Variants in CDCP2 observed in about 807,000 individuals in gnomAD.
The protein encoded by CDCP2 is CUB domain containing protein 2, also known as CUB domain-containing protein 2.
CDCP2 carries 31 observed loss-of-function variants against 31.0 expected under a neutral mutation model. That is an observed-to-expected ratio of 1.00 (90% CI 0.75 to 1.35). The LOEUF (loss-of-function observed/expected upper bound fraction) is 1.35. Among genes scored for constraint, CDCP2 ranks in the 40% most tolerant of loss-of-function variants. The pLI, the probability that CDCP2 is intolerant of heterozygous loss-of-function variation, is 0.00. For synonymous variants in CDCP2, 206 were observed against 207.9 expected, an observed-to-expected ratio of 0.99 and a Z score of 0.08; for missense variants, 443 against 482.6, an observed-to-expected ratio of 0.92 and a Z score of 0.77.
intron 1 of CDCP2, among the ~76,000 whole-genome samples, chr1:54,150,285 CTT>C (rs1659558413): frequency 1.3e-5 from 2 of 152,304 alleles, no homozygotes; most frequent in South Asian, 4.1e-4. Flanking sequence ...GTATCTGACT[CTT>C]TTAAATTTTT....
chr1:54,144,712 C>T (rs368144780), exon 2 of CDCP2: 10 of 1,614,110 alleles, frequency 6.2e-6, no homozygotes, highest in African/African-American at 2.7e-5. Context: ...TCGGCCACCA[C>T]GATCAGCCAG....
At chr1:54,146,159 CAGTGTAAG>C (rs1223486614) in intron 1 of CDCP2, among the ~76,000 whole-genome samples, 1 of 150,686 alleles carries the variant, frequency 6.6e-6, no homozygotes, top group African/African-American at 2.4e-5. Context: ...CCAATATTTT[CAGTGTAAG>C]AGTGGTAAGT....
At chr1:54,135,468 T>C (rs1659242638) in intron 5 of CDCP2, among the ~76,000 whole-genome samples, 1 of 152,212 alleles carries the variant, frequency 6.6e-6, no homozygotes, top group Admixed American at 6.5e-5. Context: ...ATTTTATGTT[T>C]CCAAGATACT....
At chr1:54,152,777 G>A in intron 1 of CDCP2, 67 bp downstream of exon 1, 2 of 1,454,120 alleles carry the variant, frequency 1.4e-6, no homozygotes, top group South Asian at 2.4e-5. Flanking sequence ...GAAACTTCTT[G>A]AGCCCCTGGC....
At chr1:54,133,073 T>C (rs999292260) in exon 6 of CDCP2, 2 of 399,120 alleles carry the variant, frequency 5.0e-6, no homozygotes, top group Non-Finnish European at 4.4e-6. Context: ...CCATGCTCAC[T>C]GGGCCCTCCA....
intron 5 of CDCP2, among the ~76,000 whole-genome samples, chr1:54,133,713 C>G (rs533400728): frequency 0.014 from 2,137 of 151,996 alleles, 29 homozygotes; most frequent in Non-Finnish European, 0.02. Flanking sequence ...TGACTAACAC[C>G]ATGAAACCCC....
intron 3 of CDCP2, chr1:54,140,814 C>A: frequency 3.1e-6 from 1 of 318,544 alleles, no homozygotes; most frequent in Non-Finnish European, 5.8e-6. Context: ...GGGAGATTGA[C>A]ATGCAAACCA....
At chr1:54,148,976 T>A (rs193032173) in intron 1 of CDCP2, among the ~76,000 whole-genome samples, 9,251 of 139,980 alleles carry the variant, frequency 0.066, 385 homozygotes, top group Middle Eastern at 0.1. Context: ...AAAAAAAAAA[T>A]ATATATATAT....
At chr1:54,136,378 A>C (rs1557704994) in intron 5 of CDCP2, among the ~76,000 whole-genome samples, 1 of 152,116 alleles carries the variant, frequency 6.6e-6, no homozygotes, top group African/African-American at 2.4e-5. Flanking sequence ...TAGGAAAGAG[A>C]GCTGGGAAGA....
At chr1:54,143,200 G>C (rs894933133) in intron 2 of CDCP2, among the ~76,000 whole-genome samples, 3 of 152,020 alleles carry the variant, frequency 2.0e-5, no homozygotes, top group Non-Finnish European at 4.4e-5. Flanking sequence ...GCCAAGCATG[G>C]TGGGTGGCGC....
At chr1:54,143,704 C>T (rs1659412694) in intron 2 of CDCP2, 1 of 152,192 alleles carries the variant, frequency 6.6e-6, no homozygotes, top group Non-Finnish European at 1.5e-5. Flanking sequence ...GAACCAGTAG[C>T]CTCTGTGGGT....
chr1:54,152,699 G>A (rs566829145), intron 1 of CDCP2, 145 bp downstream of exon 1: 3 of 702,602 alleles, frequency 4.3e-6, no homozygotes, highest in African/African-American at 3.5e-5. Flanking sequence ...CCCCATCTCA[G>A]GAACAAACAC....
chr1:54,144,986 C>CT (rs377360765), intron 1 of CDCP2, among the ~76,000 whole-genome samples, 173 bp from the exon 2 acceptor site: 4 of 152,256 alleles, frequency 2.6e-5, no homozygotes, highest in African/African-American at 9.6e-5. Context: ...ACCAAGCATG[C>CT]TGGTATTCAT....
At chr1:54,142,031 A>T (rs926813572) in intron 2 of CDCP2, 8 of 152,332 alleles carry the variant, frequency 5.3e-5, no homozygotes, top group African/African-American at 1.9e-4. Context: ...TCCAGCATAG[A>T]ACTGTGGAGG....
At chr1:54,144,440 A>G (rs1659424403) in intron 2 of CDCP2, 26 bp downstream of exon 2, 2 of 1,540,356 alleles carry the variant, frequency 1.3e-6, no homozygotes, top group Non-Finnish European at 8.8e-7. Context: ...AGCCACTGCA[A>G]CAGGTCCCTA....
At position 54,134,584 on chromosome 1, in the gene CDCP2, G is replaced by A. The variant is rs1050788237; in HGVS notation, c.1297-1290C>T. On this transcript the variant is annotated intron_variant, in intron 5 of 5. Coordinates refer to ENST00000530059, the Ensembl canonical transcript of CDCP2. ...TAGCAAGTAGCACTCCTGAGAGGAC[G>A]CTTCTAAAAATCAAAGCTGCCTAGC... Among the ~76,000 whole-genome samples, 9 of 152,182 alleles carry A rather than the reference G, an allele frequency of 5.9e-5. No homozygotes were observed. In the East Asian group the frequency reaches 7.7e-4, roughly 13 times the overall value.
chr1:54,142,831 C>T (rs1221284359), intron 2 of CDCP2: 1 of 152,208 alleles, frequency 6.6e-6, no homozygotes, highest in Admixed American at 6.5e-5. Flanking sequence ...CCCCAGCAGC[C>T]CCCTGGAGCA....
At chr1:54,149,198 T>A (rs1042788741) in intron 1 of CDCP2, among the ~76,000 whole-genome samples, 1 of 151,434 alleles carries the variant, frequency 6.6e-6, no homozygotes, top group Non-Finnish European at 1.5e-5. Context: ...AGCACTGTAG[T>A]CCAGCCTGGG....
chr1:54,136,172 G>A (rs2100418774), intron 5 of CDCP2, among the ~76,000 whole-genome samples: 1 of 152,308 alleles, frequency 6.6e-6, no homozygotes, highest in East Asian at 1.9e-4. Context: ...GTTGGGGATG[G>A]GTGGGAGAAG....
Sources: gnomAD v4.1 joint callset for allele counts (sites outside exome capture counted in the v4.1 genomes callset) on GRCh38, gnomAD v4.1.1 for gene constraint, MANE v1.5 for transcripts, NCBI Gene and HGNC (gene_info 2026-07-23, HGNC 2026-07-21) for gene names.